PRKRIP1: variants seen among roughly 807,000 people sequenced by gnomAD.
PRKRIP1 encodes PRKR interacting protein 1.
Under a neutral mutation model 29.3 loss-of-function variants are expected in PRKRIP1, and 29 were observed. The ratio of observed to expected loss-of-function variants is 0.99; its 90% CI spans 0.74 to 1.35. The LOEUF (loss-of-function observed/expected upper bound fraction) is 1.35. Ranked by LOEUF, PRKRIP1 falls within the 40% of genes most tolerant of loss-of-function variation. The pLI is 0.00. For missense variants in PRKRIP1, 247 were observed against 236.8 expected (o/e 1.04, Z -0.28); for synonymous variants, 90 against 85.1 (o/e 1.06, Z -0.32).
chr7:102,417,558 C>T (rs1280620436), intron 5 of PRKRIP1, among the ~76,000 whole-genome samples: 1 of 150,964 alleles, frequency 6.6e-6, no homozygotes, highest in African/African-American at 2.4e-5. Context: ...CAGCTTTGGC[C>T]ATTGGGAGCT....
At chr7:102,409,537 A>C (rs1359296003) in intron 5 of PRKRIP1, among the ~76,000 whole-genome samples, 2 of 152,096 alleles carry the variant, frequency 1.3e-5, no homozygotes, top group Non-Finnish European at 2.9e-5. Context: ...AACAGTAAAA[A>C]ATCAGCCAGG....
At position 102,407,425 on chromosome 7, in the gene PRKRIP1, C is replaced by T. The variant is rs1796262562; in HGVS notation, c.393-9C>T. ...TAAGGAATCAATGTATATGGTTTTACATTTTTAGCCAGAAGTTAAAAGAGA... is the reference window on the plus strand; with the variant it reads ...TAAGGAATCAATGTATATGGTTTTATATTTTTAGCCAGAAGTTAAAAGAGA... On this transcript the variant is annotated splice_polypyrimidine_tract_variant and intron_variant, in intron 4 of 5. Coordinates refer to ENST00000397912, the MANE Select transcript of PRKRIP1 (RefSeq NM_024653.4). The T allele has an allele frequency of 1.3e-6, 2 of 1,582,568 alleles. No homozygotes were observed. Among genetic ancestry groups the T allele is most frequent in the East Asian group, 2.2e-5 (1 of 44,738 alleles).
At chr7:102,422,176 T>G (rs1490526707) in intron 5 of PRKRIP1, among the ~76,000 whole-genome samples, 1 of 123,716 alleles carries the variant, frequency 8.1e-6, no homozygotes, top group African/African-American at 3.1e-5. Flanking sequence ...TTATTATTAT[T>G]ATGATTATTA....
At chr7:102,396,983 G>C (rs556107555) in intron 1 of PRKRIP1, among the ~76,000 whole-genome samples, 2 of 151,908 alleles carry the variant, frequency 1.3e-5, no homozygotes, top group East Asian at 3.9e-4. Flanking sequence ...CAATTGAACG[G>C]GAACGTCCTT....
In PRKRIP1 at chr7:102,425,229, A is replaced by AGGAGACCCCTCCC; in HGVS notation, c.*120_*132dup. The AGGAGACCCCTCCC allele has an allele frequency of 6.6e-7, 1 of 1,523,672 alleles. No individual in the cohort carries two copies. The highest frequency in any genetic ancestry group is 8.8e-7 in the Non-Finnish European group (1 of 1,140,682). 94.4% of individuals were successfully genotyped at this position (1,523,672 alleles called of 1,614,324 possible). On this transcript the variant is annotated 3_prime_UTR_variant, in exon 6 of 6. Coordinates refer to ENST00000397912, the MANE Select transcript of PRKRIP1 (RefSeq NM_024653.4). ...CGCTGACCCGCTGGATGGAGAGCAA[A>AGGAGACCCCTCCC]GGAGACCCCTCCCGAGCCGCTCACA...
chr7:102,411,749 G>T (rs1034627205), intron 5 of PRKRIP1, among the ~76,000 whole-genome samples: 1 of 150,478 alleles, frequency 6.6e-6, no homozygotes. Context: ...CCATTTTAAC[G>T]CCCACCAGTG....
intron 5 of PRKRIP1, among the ~76,000 whole-genome samples, chr7:102,424,310 C>T (rs1286554245): frequency 2.6e-5 from 4 of 152,388 alleles, no homozygotes; most frequent in Non-Finnish European, 5.9e-5. Context: ...TTGTGAGTTG[C>T]TGAGGCCACC....
At chr7:102,401,319 TTTTCTGTTTGAA>T (rs1796064598) in intron 3 of PRKRIP1, among the ~76,000 whole-genome samples, 1 of 152,226 alleles carries the variant, frequency 6.6e-6, no homozygotes, top group Admixed American at 6.5e-5. Flanking sequence ...TTCTTTTAAC[TTTTCTGTTTGAA>T]ATTTTCAAAA....
In PRKRIP1 at chr7:102,407,414, A is replaced by C; in HGVS notation, c.393-20A>C. ...CATAATGTAGTTAAGGAATCAATGTATATGGTTTTACATTTTTAGCCAGAA... is the reference window on the plus strand; with the variant it reads ...CATAATGTAGTTAAGGAATCAATGTCTATGGTTTTACATTTTTAGCCAGAA... On this transcript the variant is annotated intron_variant, in intron 4 of 5. Transcript: ENST00000397912. 1 of 1,510,416 alleles carries C rather than the reference A, an allele frequency of 6.6e-7. No homozygotes were observed. Among genetic ancestry groups the C allele is most frequent in the African/African-American group, 1.4e-5 (1 of 73,024 alleles). 93.6% of individuals were successfully genotyped at this position (1,510,416 alleles called of 1,614,324 possible).
chr7:102,404,020 G>A (rs1283675150), intron 3 of PRKRIP1, among the ~76,000 whole-genome samples: 3 of 152,142 alleles, frequency 2.0e-5, no homozygotes, highest in Admixed American at 2.0e-4. Flanking sequence ...ATAAAAATTA[G>A]CCAGATGTAA....
rs371818662 is a variant in PRKRIP1, at chr7:102,396,426, C to A, written c.15C>A (p.Ala5=). 3.6e-5 allele frequency: 57 copies of A among 1,585,784 alleles called. No homozygotes were observed. The African/African-American group carries it at 6.2e-4, about 17-fold the overall frequency. ...GGAAGGCTGCCATGGCTAGCCCAGC[C>A]GCCTCCTCGGTGCGACCACCGAGGC... The part of the protein sequence containing the change: MASP[A]ASSVRPPRPK... Residue 5 remains alanine (A), a synonymous_variant, in exon 1 of 6, where the codon GCC becomes GCA. Transcript: ENST00000397912.
chr7:102,418,049 C>CT (rs1554573339), intron 5 of PRKRIP1, among the ~76,000 whole-genome samples: 3 of 26,252 alleles, frequency 1.1e-4, no homozygotes, highest in African/African-American at 1.2e-4. Flanking sequence ...TCTTCTTCTT[C>CT]TTTTTTTTTT....
chr7:102,413,020 T>C (rs1796433251), intron 5 of PRKRIP1, among the ~76,000 whole-genome samples: 1 of 152,176 alleles, frequency 6.6e-6, no homozygotes, highest in Admixed American at 6.5e-5. Context: ...CAGGGCGCCC[T>C]TAGGGGATTT....
intron 4 of PRKRIP1, among the ~76,000 whole-genome samples, chr7:102,404,929 AT>A (rs551196590): frequency 0.022 from 3,121 of 142,070 alleles, 54 homozygotes; most frequent in African/African-American, 0.059. Flanking sequence ...TCAGGTCTGT[AT>A]TTTTTTTTTT....
chr7:102,410,033 G>A (rs1790800759), intron 5 of PRKRIP1, among the ~76,000 whole-genome samples: 1 of 152,172 alleles, frequency 6.6e-6, no homozygotes, highest in Non-Finnish European at 1.5e-5. Flanking sequence ...AGTGGAAGAT[G>A]AGAGATTTCC....
rs1554573568 is a variant in PRKRIP1, at chr7:102,419,886, TG to T, written c.458-5127del. On this transcript the variant is annotated intron_variant, in intron 5 of 5. Transcript: ENST00000397912. ...GTGTGTGTGTGTGTGTGTGTGTGTG[TG>T]TGTGTGTGTTTTTGAGATGGAGTCT... Among the ~76,000 whole-genome samples the T allele has an allele frequency of 3.5e-4, 41 of 117,080 alleles. 1 individual carries two copies. Among genetic ancestry groups the T allele is most frequent in the East Asian group, 3.2e-3 (13 of 4,060 alleles). 76.8% of individuals were successfully genotyped at this position (117,080 alleles called of 152,430 possible). A position where few individuals can be genotyped will look rare whatever the true frequency, so the allele number is the denominator to read the frequency against.
rs185285884 is a variant in PRKRIP1 at position 102,408,498 on chromosome 7, A to G, written c.457+1000A>G. Among the ~76,000 whole-genome samples the G allele has an allele frequency of 2.3e-3, 348 of 152,278 alleles. 2 individuals carry two copies. The highest frequency in any genetic ancestry group is 7.8e-3 in the African/African-American group (326 of 41,570). Reference sequence around the variant, plus strand: ...TCCTGCCGCCTCTGAACTCATCACAATGCTAGTGGTGCTATCCCCCATCCC... The same window carrying G: ...TCCTGCCGCCTCTGAACTCATCACAGTGCTAGTGGTGCTATCCCCCATCCC... On this transcript the variant is annotated intron_variant, in intron 5 of 5. Coordinates refer to ENST00000397912, the MANE Select transcript of PRKRIP1 (RefSeq NM_024653.4).
intron 5 of PRKRIP1, among the ~76,000 whole-genome samples, chr7:102,419,837 T>G (rs1002802652): frequency 2.1e-5 from 3 of 143,176 alleles, no homozygotes; most frequent in African/African-American, 5.2e-5. Flanking sequence ...TACTGTTTTT[T>G]TGTGTTTTTG....
chr7:102,406,662 A>G (rs951238797), intron 4 of PRKRIP1, among the ~76,000 whole-genome samples: 1 of 152,124 alleles, frequency 6.6e-6, no homozygotes, highest in Non-Finnish European at 1.5e-5. Flanking sequence ...CTCATCTTCA[A>G]GGCTCTTGTC....
Sources: allele counts gnomAD v4.1 joint callset (sites outside exome capture counted in the v4.1 genomes callset), GRCh38; gene constraint gnomAD v4.1.1; transcripts MANE v1.5; gene names NCBI Gene and HGNC (gene_info 2026-07-23, HGNC 2026-07-21).